Variants in ZNF578 observed in about 807,000 individuals in gnomAD.
ZNF578 encodes zinc finger protein 578, also known as Putative chemokine-related protein B42.
ZNF578 carries 8 observed loss-of-function variants against 8.3 expected under a neutral mutation model. The observed-to-expected ratio is 0.96, with a 90% confidence interval of 0.56 to 1.74. The LOEUF is 1.74. ZNF578 is among the 40% of genes most tolerant of loss of function. The pLI is 0.00. For synonymous variants in ZNF578, 206 were observed against 232.2 expected, an observed-to-expected ratio of 0.89 and a Z score of 1.03; for missense variants, 726 against 707.5, an observed-to-expected ratio of 1.03 and a Z score of -0.30.
At chr19:52,494,206 G>C (rs1211162984) in intron 3 of ZNF578, among the ~76,000 whole-genome samples, 1 of 151,748 alleles carries the variant, frequency 6.6e-6, no homozygotes, top group East Asian at 1.9e-4. Context: ...AGAAAGAGTG[G>C]CTGGGCGCAG....
At chr19:52,493,801 T>A (rs909561612) in intron 3 of ZNF578, among the ~76,000 whole-genome samples, 8 of 151,026 alleles carry the variant, frequency 5.3e-5, no homozygotes, top group Non-Finnish European at 8.9e-5. Context: ...GACCAGCCTG[T>A]CCAACATGGA....
rs370630649 is a variant in ZNF578 at position 52,475,382 on chromosome 19, T to C, written c.-121-15942T>C. 3.4e-4 allele frequency: 53 copies of C among 155,688 alleles called. 2 individuals are homozygous for C. In the South Asian group the frequency reaches 6.4e-3, roughly 19 times the overall value. The allele number at this position is 155,688 out of a possible 1,614,324, so 9.6% of individuals were successfully genotyped here. A position where few individuals can be genotyped will look rare whatever the true frequency, so the allele number is the denominator to read the frequency against. On this transcript the variant is annotated intron_variant, in intron 2 of 5. Coordinates refer to ENST00000421239, the MANE Select transcript of ZNF578 (RefSeq NM_001099694.2). ...TTTTTTTTTTTTTGAGACAGAGTCT[T>C]TCTCTGTCGCCCAGGCTGGAGTGCA...
chr19:52,504,391 C>G (rs535485667), intron 4 of ZNF578, among the ~76,000 whole-genome samples: 25 of 152,164 alleles, frequency 1.6e-4, no homozygotes, highest in African/African-American at 5.3e-4. Flanking sequence ...ATGCCCAGCC[C>G]TGTGTTTCCT....
intron 2 of ZNF578, among the ~76,000 whole-genome samples, chr19:52,461,360 A>T (rs955493200): frequency 1.3e-5 from 2 of 152,096 alleles, no homozygotes; most frequent in East Asian, 1.9e-4. Flanking sequence ...AAGATCATTG[A>T]TTTGCCAATT....
At chr19:52,459,459 A>G (rs2059249234) in intron 2 of ZNF578, among the ~76,000 whole-genome samples, 1 of 152,060 alleles carries the variant, frequency 6.6e-6, no homozygotes, top group East Asian at 2.0e-4. Flanking sequence ...ATAATATTCC[A>G]TTGCATGTGT....
At chr19:52,505,309 G>A (rs377047767) in intron 5 of ZNF578, among the ~76,000 whole-genome samples, 38 of 152,218 alleles carry the variant, frequency 2.5e-4, no homozygotes, top group African/African-American at 8.2e-4. Context: ...TTCTCCTAGC[G>A]GGGACATCAT....
chr19:52,470,154 CT>C (rs2059287643), intron 2 of ZNF578, among the ~76,000 whole-genome samples: 1 of 152,084 alleles, frequency 6.6e-6, no homozygotes, highest in South Asian at 2.1e-4. Context: ...GCCTTTGTAC[CT>C]TTTTTCTGAG....
At chr19:52,494,787 A>T (rs2059379864) in intron 3 of ZNF578, among the ~76,000 whole-genome samples, 1 of 151,976 alleles carries the variant, frequency 6.6e-6, no homozygotes, top group African/African-American at 2.4e-5. Flanking sequence ...TGGGGCAGTG[A>T]TGTGGAAAAA....
chr19:52,457,977 AT>A (rs2059244577), intron 2 of ZNF578: 2 of 154,458 alleles, frequency 1.3e-5, no homozygotes, highest in African/African-American at 4.8e-5. Context: ...ATACCCAGAC[AT>A]GGATGGAGAC....
At position 52,512,659 on chromosome 19, in the gene ZNF578, C is replaced by T. The variant is rs2059453905; in HGVS notation, c.*505C>T. ...ACACCTCATTAGACATCAGAGAATCCCTACTGGAGAGAAATCTTACAAATG... is the reference window on the plus strand; with the variant it reads ...ACACCTCATTAGACATCAGAGAATCTCTACTGGAGAGAAATCTTACAAATG... On this transcript the variant is annotated 3_prime_UTR_variant, in exon 6 of 6. Transcript: ENST00000421239. Among the ~76,000 whole-genome samples, 1 of 152,148 alleles carries T rather than the reference C, an allele frequency of 6.6e-6. No individual in the cohort carries two copies. The highest frequency in any genetic ancestry group is 2.1e-4 in the South Asian group (1 of 4,834).
At chr19:52,458,739 G>A (rs74877230) in intron 2 of ZNF578, 1 of 151,292 alleles carries the variant, frequency 6.6e-6, no homozygotes, top group Admixed American at 6.6e-5. Flanking sequence ...TCTGATTTTT[G>A]TTGTGCCTTT....
intron 5 of ZNF578, among the ~76,000 whole-genome samples, chr19:52,505,370 T>C (rs1481227013): frequency 6.6e-6 from 1 of 152,160 alleles, no homozygotes; most frequent in Non-Finnish European, 1.5e-5. Context: ...CTCTTGTTCA[T>C]TTCACATTTT....
chr19:52,486,027 T>C (rs2059344293), intron 2 of ZNF578, among the ~76,000 whole-genome samples: 1 of 152,248 alleles, frequency 6.6e-6, no homozygotes, highest in Non-Finnish European at 1.5e-5. Context: ...GGAAGGCATC[T>C]GTCTCCTGCT....
intron 2 of ZNF578, among the ~76,000 whole-genome samples, chr19:52,478,563 T>C (rs990940655): frequency 2.0e-5 from 3 of 152,152 alleles, no homozygotes; most frequent in African/African-American, 7.2e-5. Context: ...CAACAGATTC[T>C]TTCAGATTTT....
chr19:52,511,362 G>A lies in ZNF578; in HGVS notation c.981G>A (p.Lys327=), dbSNP rs531685388. Residue 327 remains lysine, a synonymous_variant, in exon 6 of 6, where the codon AAG becomes AAA. Coordinates refer to ENST00000421239, the MANE Select transcript of ZNF578 (RefSeq NM_001099694.2). ...CNECGKSFSY[K]SSLTCHHRCH... ...AATGTGGAAAGTCCTTCAGTTACAA[G>A]TCATCCCTTACATGCCATCATAGGT... The A allele has an allele frequency of 1.2e-6, 2 of 1,613,890 alleles. No homozygotes were observed. Among genetic ancestry groups the A allele is most frequent in the Non-Finnish European group, 1.7e-6 (2 of 1,179,962 alleles).
intron 3 of ZNF578, among the ~76,000 whole-genome samples, chr19:52,498,417 T>C (rs10422356): frequency 0.19 from 28,588 of 149,332 alleles, 2,933 homozygotes; most frequent in Non-Finnish European, 0.23. Flanking sequence ...CTGCAAGCTC[T>C]GCCTCCTTGG....
Position 52,504,659 on chromosome 19 carries a change from G to T in ZNF578, c.68G>T (p.Arg23Leu). The T allele has an allele frequency of 6.2e-7, 1 of 1,613,960 alleles. No individual in the cohort carries two copies. The highest frequency in any genetic ancestry group is 1.1e-5 in the South Asian group (1 of 91,072). The part of the protein sequence containing the change: ...KEPGMALPQG[R>L]LTFRDVAIEF... ...GAAATGTGTGTTTCATTTTAGGGAC[G>T]CTTGACTTTCAGGGATGTGGCTATA... is the stretch of plus-strand genomic sequence containing the variant. The change falls in exon 5 of 6, where the codon CGC becomes CTC. Residue 23 changes from arginine to leucine, a missense_variant. Physicochemically the swap from Arg to Leu is moderately radical, Grantham distance 102. Transcript: ENST00000421239.
chr19:52,485,776 G>A (rs1192056811), intron 2 of ZNF578, among the ~76,000 whole-genome samples: 1 of 152,108 alleles, frequency 6.6e-6, no homozygotes, highest in Non-Finnish European at 1.5e-5. Flanking sequence ...CAGTATGCTT[G>A]TTAAAAGTCA....
rs1018220594 is a variant in ZNF578, at chr19:52,512,966, G to T, written c.*812G>T. 6.6e-6 allele frequency among the ~76,000 whole-genome samples: 1 copy of T among 151,744 alleles called. No homozygotes were observed. Among genetic ancestry groups the T allele is most frequent in the Non-Finnish European group, 1.5e-5 (1 of 67,908 alleles). ...AGGCCAAGGCACATAGGTCACTTGA[G>T]GTCAAGAGTTTGAAACAAGCATGGC... On this transcript the variant is annotated 3_prime_UTR_variant, in exon 6 of 6. Transcript: ENST00000421239.
Sources: allele counts gnomAD v4.1 joint callset (sites outside exome capture counted in the v4.1 genomes callset), GRCh38; gene constraint gnomAD v4.1.1; transcripts MANE v1.5; gene names NCBI Gene and HGNC (gene_info 2026-07-23, HGNC 2026-07-21).